SLC8A1: variants seen among roughly 807,000 people sequenced by gnomAD.
SLC8A1 encodes solute carrier family 8 member A1.
SLC8A1 carries 18 observed loss-of-function variants against 68.3 expected under a neutral mutation model. The ratio of observed to expected loss-of-function variants is 0.26; its 90% CI spans 0.18 to 0.39. The LOEUF is 0.39. SLC8A1 is among the 10% of genes least tolerant of loss of function. The pLI is 1.00. For missense variants in SLC8A1, 985 were observed against 1,156.7 expected (o/e 0.85, Z 2.15); for synonymous variants, 475 against 415.5 (o/e 1.14, Z -1.74).
At chr2:40,225,452 C>A (rs1401069405) in intron 2 of SLC8A1, among the ~76,000 whole-genome samples, 2 of 151,726 alleles carry the variant, frequency 1.3e-5, no homozygotes, top group Non-Finnish European at 2.9e-5. Context: ...CTTGGCTAGA[C>A]AATGGCATTT....
intron 2 of SLC8A1, chr2:40,177,932 T>C (rs1177947445): frequency 6.4e-6 from 6 of 937,220 alleles, no homozygotes. Flanking sequence ...CCAAGCTGAA[T>C]GTTACTGTGA....
intron 2 of SLC8A1, among the ~76,000 whole-genome samples, chr2:40,252,815 CATAT>C (rs748062321): frequency 1.4e-5 from 2 of 143,188 alleles, no homozygotes; most frequent in African/African-American, 5.3e-5. Flanking sequence ...TGTACATATA[CATAT>C]ATATGTATAT....
chr2:40,399,398 G>C (rs150555881), intron 2 of SLC8A1, among the ~76,000 whole-genome samples: 9 of 151,752 alleles, frequency 5.9e-5, no homozygotes, highest in African/African-American at 2.2e-4. Context: ...GAAACAACAC[G>C]CCAGGTAGAT....
chr2:40,415,777 G>A (rs1457286987), intron 2 of SLC8A1, among the ~76,000 whole-genome samples: 1 of 151,758 alleles, frequency 6.6e-6, no homozygotes, highest in East Asian at 1.9e-4. Context: ...CAGAGTTAGA[G>A]ACCAGGGGTG....
chr2:40,267,240 G>A (rs985717569), intron 2 of SLC8A1, among the ~76,000 whole-genome samples: 3 of 152,192 alleles, frequency 2.0e-5, no homozygotes, highest in Admixed American at 1.3e-4. Flanking sequence ...TTATCTGGAT[G>A]AGTCTTTTGT....
intron 1 of SLC8A1, among the ~76,000 whole-genome samples, chr2:40,494,640 A>ATATATAT: frequency 1.1e-5 from 1 of 92,694 alleles, no homozygotes; most frequent in Non-Finnish European, 1.9e-5. Flanking sequence ...CTTAAAGTAT[A>ATATATAT]ATATATATAT....
chr2:40,403,792 A>C (rs896450915), intron 2 of SLC8A1, among the ~76,000 whole-genome samples: 3 of 152,226 alleles, frequency 2.0e-5, no homozygotes, highest in African/African-American at 7.2e-5. Context: ...AAATATGTGT[A>C]ACTAATAATG....
chr2:40,287,890 C>T, intron 2 of SLC8A1, among the ~76,000 whole-genome samples: 1 of 152,002 alleles, frequency 6.6e-6, no homozygotes, highest in Non-Finnish European at 1.5e-5. Flanking sequence ...GATCAGGGCT[C>T]CTGCAGGGAT....
At chr2:40,229,446 T>G (rs2059377078) in intron 2 of SLC8A1, among the ~76,000 whole-genome samples, 2 of 152,270 alleles carry the variant, frequency 1.3e-5, no homozygotes, top group East Asian at 3.9e-4. Flanking sequence ...TCTCCTTAAT[T>G]TTTTTCAAAG....
intron 1 of SLC8A1, among the ~76,000 whole-genome samples, chr2:40,495,495 A>G (rs1000866007): frequency 2.0e-5 from 3 of 152,012 alleles, no homozygotes; most frequent in Non-Finnish European, 4.4e-5. Flanking sequence ...TGACTAGGAC[A>G]ATTTAAGTAA....
intron 2 of SLC8A1, among the ~76,000 whole-genome samples, chr2:40,216,702 G>T (rs2057541359): frequency 6.6e-6 from 1 of 152,146 alleles, no homozygotes; most frequent in South Asian, 2.1e-4. Flanking sequence ...ACTCTGAATG[G>T]CATGAGATGG....
chr2:40,183,484 C>A (rs1388987637), intron 2 of SLC8A1, among the ~76,000 whole-genome samples: 1 of 152,202 alleles, frequency 6.6e-6, no homozygotes, highest in African/African-American at 2.4e-5. Context: ...GAGCGATGAG[C>A]ATGCAATGGC....
At chr2:40,275,143 T>C (rs576267849) in intron 2 of SLC8A1, among the ~76,000 whole-genome samples, 1 of 152,336 alleles carries the variant, frequency 6.6e-6, no homozygotes, top group Non-Finnish European at 1.5e-5. Context: ...TATAATTGAG[T>C]TGAAGCTGTT....
chr2:40,277,820 A>ATATG (rs2066958998), intron 2 of SLC8A1, among the ~76,000 whole-genome samples: 1 of 136,592 alleles, frequency 7.3e-6, no homozygotes, highest in African/African-American at 2.7e-5. Context: ...ATATATATAT[A>ATATG]TATATATATA....
At chr2:40,173,418 C>CTGTT (rs1278823873) in intron 4 of SLC8A1, among the ~76,000 whole-genome samples, 1 of 152,138 alleles carries the variant, frequency 6.6e-6, no homozygotes, top group African/African-American at 2.4e-5. Context: ...AAGACTTGTC[C>CTGTT]TGTTTAACAT....
chr2:40,348,666 C>A (rs1259757218), intron 2 of SLC8A1, among the ~76,000 whole-genome samples: 2 of 152,092 alleles, frequency 1.3e-5, no homozygotes, highest in Non-Finnish European at 2.9e-5. Context: ...AACCTCTGCA[C>A]TCCGGGGTCT....
chr2:40,304,033 C>G (rs1227376268), intron 2 of SLC8A1, among the ~76,000 whole-genome samples: 2 of 152,194 alleles, frequency 1.3e-5, no homozygotes, highest in Non-Finnish European at 2.9e-5. Context: ...AGGTCAACAT[C>G]TCCTTATGAA....
intron 7 of SLC8A1, among the ~76,000 whole-genome samples, chr2:40,138,678 C>T (rs533147766): frequency 1.3e-5 from 2 of 152,246 alleles, no homozygotes; most frequent in Admixed American, 1.3e-4. Context: ...TATTTCTTAA[C>T]AAGCTCTCAG....
chr2:40,253,143 G>C (rs1471484570), intron 2 of SLC8A1, among the ~76,000 whole-genome samples: 1 of 110,138 alleles, frequency 9.1e-6, no homozygotes, highest in Non-Finnish European at 1.8e-5. Context: ...ATATGTATAT[G>C]TATATACATA....
Sources: gnomAD v4.1 joint callset for allele counts (sites outside exome capture counted in the v4.1 genomes callset) on GRCh38, gnomAD v4.1.1 for gene constraint, MANE v1.5 for transcripts, NCBI Gene and HGNC (gene_info 2026-07-23, HGNC 2026-07-21) for gene names.